FSTL4: variants seen among roughly 807,000 people sequenced by gnomAD.
FSTL4 encodes the protein follistatin like 4.
A neutral mutation model predicts 78.2 loss-of-function variants in FSTL4; 28 were observed. That is an observed-to-expected ratio of 0.36 (90% CI 0.27 to 0.49). The LOEUF (loss-of-function observed/expected upper bound fraction) is 0.49, where lower values mean the gene tolerates loss of function less well. Among genes scored for constraint, FSTL4 ranks in the 20% least tolerant of loss-of-function variants. FSTL4 has a pLI of 0.98. For synonymous variants in FSTL4, 422 were observed against 440.5 expected, an observed-to-expected ratio of 0.96 and a Z score of 0.53; for missense variants, 922 against 1,084.9, an observed-to-expected ratio of 0.85 and a Z score of 2.11.
the FSTL4 span, among the ~76,000 whole-genome samples, chr5:133,816,763 C>T: frequency 1.5e-3 from 229 of 152,316 alleles, no homozygotes; most frequent in Middle Eastern, 3.4e-3. Flanking sequence ...ATTTTAAAAG[C>T]CACACTGCCA....
At chr5:133,314,398 C>A (rs760852533) in intron 5 of FSTL4, among the ~76,000 whole-genome samples, 18 of 152,222 alleles carry the variant, frequency 1.2e-4, no homozygotes, top group Non-Finnish European at 1.5e-5. Context: ...CTTGCGCGAG[C>A]CACTCAGGTA....
intron 4 of FSTL4, among the ~76,000 whole-genome samples, chr5:133,374,223 G>A (rs1212209514): frequency 6.6e-6 from 1 of 152,192 alleles, no homozygotes; most frequent in African/African-American, 2.4e-5. Flanking sequence ...ATAATTACAG[G>A]TGGTTAGATG....
intron 3 of FSTL4, among the ~76,000 whole-genome samples, chr5:133,546,377 G>A (rs552639685): frequency 3.9e-5 from 6 of 152,004 alleles, no homozygotes; most frequent in East Asian, 1.9e-4. Context: ...GTGGTGGCAC[G>A]TGCCTGTAAT....
At chr5:133,448,756 C>G (rs1220837878) in intron 3 of FSTL4, among the ~76,000 whole-genome samples, 1 of 148,928 alleles carries the variant, frequency 6.7e-6, no homozygotes, top group Non-Finnish European at 1.5e-5. Flanking sequence ...GGGGGGCGCT[C>G]AGAATTTTCC....
At chr5:133,818,577 A>G in the FSTL4 span, among the ~76,000 whole-genome samples, 1 of 152,074 alleles carries the variant, frequency 6.6e-6, no homozygotes, top group African/African-American at 2.4e-5. Context: ...ACAGAAACAC[A>G]CTGCCAGAAT....
intron 3 of FSTL4, among the ~76,000 whole-genome samples, chr5:133,523,631 AG>A (rs1412879399): frequency 1.3e-5 from 2 of 152,108 alleles, no homozygotes; most frequent in Admixed American, 1.3e-4. Context: ...ATGTAAAGTG[AG>A]GTTGACAGCA....
the FSTL4 span, among the ~76,000 whole-genome samples, chr5:133,751,954 TC>T: frequency 6.6e-6 from 1 of 152,132 alleles, no homozygotes; most frequent in African/African-American, 2.4e-5. Context: ...GTCAGCAACA[TC>T]ATCCCTTCTC....
the FSTL4 span, among the ~76,000 whole-genome samples, chr5:133,636,006 A>G: frequency 0.28 from 42,948 of 152,120 alleles, 6,364 homozygotes; most frequent in Non-Finnish European, 0.32. Context: ...TCACGTGAGC[A>G]GGGACTCTGT....
At chr5:133,495,733 G>A (rs115901041) in intron 3 of FSTL4, among the ~76,000 whole-genome samples, 2,078 of 152,262 alleles carry the variant, frequency 0.014, 50 homozygotes, top group African/African-American at 0.046. Flanking sequence ...GTGGCCTTCT[G>A]TCCACTTTTG....
chr5:133,748,569 T>TCACA, the FSTL4 span, among the ~76,000 whole-genome samples: 7 of 151,934 alleles, frequency 4.6e-5, no homozygotes, highest in South Asian at 4.2e-4. Flanking sequence ...AGACTCCATC[T>TCACA]CACACACACA....
At chr5:133,274,048 A>T (rs148467689) in intron 6 of FSTL4, among the ~76,000 whole-genome samples, 1 of 152,234 alleles carries the variant, frequency 6.6e-6, no homozygotes, top group Non-Finnish European at 1.5e-5. Context: ...TAATGCCTGC[A>T]CTTTGAGGCC....
the FSTL4 span, among the ~76,000 whole-genome samples, chr5:133,840,379 G>C: frequency 6.6e-6 from 1 of 152,238 alleles, no homozygotes; most frequent in Non-Finnish European, 1.5e-5. Context: ...GTAAATGCTG[G>C]CAGAAGGTAG....
the FSTL4 span, among the ~76,000 whole-genome samples, chr5:133,752,346 A>G: frequency 6.6e-6 from 1 of 152,174 alleles, no homozygotes. Context: ...AACGGGCACT[A>G]TGGCTGAGCC....
Position 133,401,000 on chromosome 5 carries a change from A to T in FSTL4, c.161-14T>A, listed in dbSNP as rs200510603. On this transcript the variant is annotated splice_polypyrimidine_tract_variant and intron_variant, in intron 3 of 15. Transcript: ENST00000265342. ...GGCTGGAAAGCCCTGCCAGACACACAAACACAGAGGGTCAGCTGTAAACAC... is the reference window on the plus strand; with the variant it reads ...GGCTGGAAAGCCCTGCCAGACACACTAACACAGAGGGTCAGCTGTAAACAC... 6.2e-7 allele frequency: 1 copy of T among 1,612,610 alleles called. No individual in the cohort carries two copies. The highest frequency in any genetic ancestry group is 8.5e-7 in the Non-Finnish European group (1 of 1,179,896).
chr5:133,682,221 G>C, the FSTL4 span, among the ~76,000 whole-genome samples: 3 of 152,178 alleles, frequency 2.0e-5, no homozygotes, highest in African/African-American at 7.2e-5. Context: ...GGAACTAAGG[G>C]GCTCTCTGAA....
chr5:133,684,449 T>C, the FSTL4 span, among the ~76,000 whole-genome samples: 3 of 152,146 alleles, frequency 2.0e-5, no homozygotes, highest in African/African-American at 7.2e-5. Flanking sequence ...CTCCTGAACC[T>C]CCCAAGCGCA....
At chr5:133,378,119 C>T (rs700711) in intron 4 of FSTL4, among the ~76,000 whole-genome samples, 111,879 of 152,004 alleles carry the variant, frequency 0.74, 42,129 homozygotes, top group Middle Eastern at 0.84. Context: ...TGCTACATAC[C>T]CACTCTACAA....
intron 4 of FSTL4, among the ~76,000 whole-genome samples, chr5:133,323,407 G>T (rs142998121): frequency 6.1e-4 from 93 of 152,360 alleles, no homozygotes; most frequent in African/African-American, 2.0e-3. Flanking sequence ...CCAAGGGAGG[G>T]GTATGGCTCA....
chr5:133,302,687 T>C (rs1753571653), intron 6 of FSTL4, among the ~76,000 whole-genome samples: 1 of 152,118 alleles, frequency 6.6e-6, no homozygotes, highest in East Asian at 1.9e-4. Flanking sequence ...CCATGTCCCC[T>C]CTCTGCCCCT....
Sources: gnomAD v4.1 joint callset for allele counts (sites outside exome capture counted in the v4.1 genomes callset) on GRCh38, gnomAD v4.1.1 for gene constraint, MANE v1.5 for transcripts, NCBI Gene and HGNC (gene_info 2026-07-23, HGNC 2026-07-21) for gene names.